The following PRORP variants were observed in gnomAD, a reference collection of about 807,000 sequenced individuals.
PRORP encodes mitochondrial ribonuclease P catalytic subunit.
Under a neutral mutation model 59.4 loss-of-function variants are expected in PRORP, and 51 were observed. The ratio of observed to expected loss-of-function variants is 0.86; its 90% CI spans 0.69 to 1.08. The LOEUF (loss-of-function observed/expected upper bound fraction) is 1.08, where lower values mean the gene tolerates loss of function less well. PRORP is among the 50% of genes least tolerant of loss of function. PRORP has a pLI of 0.00. For synonymous variants in PRORP, 231 were observed against 245.6 expected (o/e 0.94, Z 0.55); for missense variants, 646 against 690.3 (o/e 0.94, Z 0.72).
intron 6 of PRORP, among the ~76,000 whole-genome samples, chr14:35,268,851 C>A (rs1322659076): frequency 6.6e-6 from 1 of 152,228 alleles, no homozygotes; most frequent in South Asian, 2.1e-4. Flanking sequence ...ACCTCAGCCT[C>A]CCAAAGTGCT....
intron 5 of PRORP, among the ~76,000 whole-genome samples, chr14:35,213,832 A>G (rs2049515652): frequency 6.6e-6 from 1 of 152,222 alleles, no homozygotes; most frequent in South Asian, 2.1e-4. Context: ...TGACAGATAT[A>G]ATAATAATGA....
rs2051296137 is a variant in PRORP, at chr14:35,276,525, T to C, written c.*2959T>C. On this transcript the variant is annotated 3_prime_UTR_variant, in exon 8 of 8. Coordinates refer to ENST00000534898, the MANE Select transcript of PRORP (RefSeq NM_014672.4). ...GAGTGGGGAACCATTGTAGGGTTGC[T>C]CAGCATAAGTCATACTGCCACGGTG... 6.6e-6 allele frequency: 1 copy of C among 151,884 alleles called. No individual in the cohort carries two copies. The highest frequency in any genetic ancestry group is 1.5e-5 in the Non-Finnish European group (1 of 68,014). 9.4% of individuals were successfully genotyped at this position (151,884 alleles called of 1,614,324 possible).
chr14:35,137,026 G>A (rs1479870771), intron 4 of PRORP, among the ~76,000 whole-genome samples: 2 of 145,968 alleles, frequency 1.4e-5, no homozygotes, highest in African/African-American at 4.9e-5. Flanking sequence ...GGATACATTG[G>A]ATTTGGCAAC....
intron 4 of PRORP, among the ~76,000 whole-genome samples, chr14:35,149,437 G>A (rs1003044400): frequency 1.3e-5 from 2 of 151,982 alleles, no homozygotes; most frequent in African/African-American, 4.8e-5. Context: ...GGTCTCGAAC[G>A]CCTGACCTCA....
intron 4 of PRORP, 42 bp downstream of exon 4, chr14:35,127,653 A>G (rs567435926): frequency 1.9e-6 from 3 of 1,609,348 alleles, no homozygotes; most frequent in Non-Finnish European, 2.5e-6. Flanking sequence ...TTGCTTGTCT[A>G]GAGCAGGGGT....
At chr14:35,259,427 T>C (rs2050842393) in intron 5 of PRORP, among the ~76,000 whole-genome samples, 1 of 152,174 alleles carries the variant, frequency 6.6e-6, no homozygotes, top group African/African-American at 2.4e-5. Flanking sequence ...TTAATTGGTA[T>C]ATGTAGACTT....
At position 35,123,982 on chromosome 14, in the gene PRORP, A is replaced by G; in HGVS notation, c.737A>G (p.Asn246Ser). Residue 246 changes from asparagine to serine, a missense_variant, in exon 2 of 8, where the codon AAC (asparagine) becomes AGC (serine). Coordinates refer to ENST00000534898, the MANE Select transcript of PRORP (RefSeq NM_014672.4). ...AAAGTTATAACTCCTTCAAAAAAGA[A>G]CTATAATGACTGTATCCAGGGAGCT... is the stretch of plus-strand genomic sequence containing the variant. ...IKKVITPSKK[N>S]YNDCIQGALL... The G allele has an allele frequency of 6.2e-7, 1 of 1,614,112 alleles. No individual in the cohort carries two copies. Among genetic ancestry groups the G allele is most frequent in the Non-Finnish European group, 8.5e-7 (1 of 1,180,014 alleles).
intron 5 of PRORP, among the ~76,000 whole-genome samples, chr14:35,262,084 T>G (rs1160818885): frequency 6.6e-6 from 1 of 152,230 alleles, no homozygotes; most frequent in Non-Finnish European, 1.5e-5. Context: ...AAGACACAAC[T>G]GTATTATCTT....
chr14:35,201,784 A>G (rs916096310), intron 5 of PRORP, among the ~76,000 whole-genome samples: 5 of 151,550 alleles, frequency 3.3e-5, no homozygotes, highest in Admixed American at 3.3e-4. Flanking sequence ...CAGCCTCCTG[A>G]ATAGCTGGGA....
At position 35,124,387 on chromosome 14, in the gene PRORP, T is replaced by C. The variant is rs1196345499; in HGVS notation, c.986+156T>C. ...GCCTCAAGTGATCCTCTCGCTTCAG[T>C]CTCCTCAGTAGCTAAAACCACAGGC... is the stretch of plus-strand genomic sequence containing the variant. On this transcript the variant is annotated intron_variant, in intron 2 of 7. Transcript: ENST00000534898. 3 of 445,422 alleles carry C rather than the reference T, an allele frequency of 6.7e-6. No individual in the cohort carries two copies. In the East Asian group the frequency reaches 1.0e-4, roughly 15 times the overall value. 27.6% of individuals were successfully genotyped at this position (445,422 alleles called of 1,614,324 possible). A position where few individuals can be genotyped will look rare whatever the true frequency, so the allele number is the denominator to read the frequency against.
chr14:35,172,232 A>G (rs953079416), intron 4 of PRORP, among the ~76,000 whole-genome samples: 21 of 151,858 alleles, frequency 1.4e-4, no homozygotes, highest in Middle Eastern at 3.4e-3. Context: ...TATTTTTAGT[A>G]GAGACGGGGT....
rs61741335 is a variant in PRORP at position 35,238,474 on chromosome 14, C to G, written c.1276-28253C>G. Among the ~76,000 whole-genome samples, 448 of 152,240 alleles carry G rather than the reference C, an allele frequency of 2.9e-3. 4 individuals carry two copies. Among genetic ancestry groups the G allele is most frequent in the African/African-American group, 9.2e-3 (384 of 41,540 alleles). Reference sequence around the variant, plus strand: ...TAGGAAAGTTAACCTGGCAATGTCACAGGAGAAACAGCATTGAAAGACCAA... The same window carrying G: ...TAGGAAAGTTAACCTGGCAATGTCAGAGGAGAAACAGCATTGAAAGACCAA... On this transcript the variant is annotated intron_variant, in intron 5 of 7. Coordinates refer to ENST00000534898, the MANE Select transcript of PRORP (RefSeq NM_014672.4).
At chr14:35,128,283 T>G (rs1305080059) in intron 4 of PRORP, among the ~76,000 whole-genome samples, 1 of 150,424 alleles carries the variant, frequency 6.6e-6, no homozygotes, top group Non-Finnish European at 1.5e-5. Context: ...TTTTTGTTTT[T>G]TTTTTGTTGT....
intron 5 of PRORP, among the ~76,000 whole-genome samples, chr14:35,218,372 G>T (rs1387130155): frequency 7.2e-6 from 1 of 139,424 alleles, no homozygotes; most frequent in East Asian, 2.4e-4. Context: ...GAGGTGGGAG[G>T]ATCACTTGAG....
At chr14:35,148,987 C>T (rs1197104784) in intron 4 of PRORP, among the ~76,000 whole-genome samples, 6 of 137,842 alleles carry the variant, frequency 4.4e-5, no homozygotes, top group Non-Finnish European at 9.1e-5. Flanking sequence ...GGCGCAATCT[C>T]GGCTCACTGC....
chr14:35,122,064 C>T (rs1408611181), upstream of PRORP: 5 of 1,201,032 alleles, frequency 4.2e-6, no homozygotes, highest in Middle Eastern at 1.9e-4. Context: ...TTAGGAAGGC[C>T]GTCCAACCAC....
At chr14:35,243,406 C>T (rs937167392) in intron 5 of PRORP, among the ~76,000 whole-genome samples, 4 of 151,732 alleles carry the variant, frequency 2.6e-5, no homozygotes, top group South Asian at 2.1e-4. Context: ...TGTGGTGGTG[C>T]GCCCCAGTGG....
At position 35,123,368 on chromosome 14, in the gene PRORP, C is replaced by G. The variant is rs2046990806; in HGVS notation, c.123C>G (p.Asn41Lys). The change falls in exon 2 of 8, where the codon AAC becomes AAG. Residue 41 changes from asparagine (N) to lysine (K), a missense_variant. By Grantham distance (94) the Asn-to-Lys change is moderately conservative (BLOSUM62 0). Coordinates refer to ENST00000534898, the MANE Select transcript of PRORP (RefSeq NM_014672.4). Reference protein sequence around the residue: ...LFLADRCGIRNQQRLFSLKTM... With the variant: ...LFLADRCGIRKQQRLFSLKTM... ...TGGCAGACCGCTGTGGCATCAGGAA[C>G]CAGCAGAGGTTGTTTTCTCTTAAAA... 5.0e-6 allele frequency: 8 copies of G among 1,614,110 alleles called. No homozygotes were observed. The highest frequency in any genetic ancestry group is 6.8e-6 in the Non-Finnish European group (8 of 1,180,034).
Position 35,277,411 on chromosome 14 carries a change from C to T in PRORP, c.*3845C>T, listed in dbSNP as rs144988683. On this transcript the variant is annotated 3_prime_UTR_variant, in exon 8 of 8. Transcript: ENST00000534898. ...AATAAGAAAGGAAATTTGTAAAAGG[C>T]ACTTAGGAGTGAGCAGAAAGGAAAT... The T allele has an allele frequency of 7.1e-3, 1,083 of 152,410 alleles. 20 individuals are homozygous for T. The highest frequency in any genetic ancestry group is 0.024 in the African/African-American group (988 of 41,552). 9.4% of individuals were successfully genotyped at this position (152,410 alleles called of 1,614,324 possible).
Sources: allele counts gnomAD v4.1 joint callset (sites outside exome capture counted in the v4.1 genomes callset), GRCh38; gene constraint gnomAD v4.1.1; transcripts MANE v1.5; gene names NCBI Gene and HGNC (gene_info 2026-07-23, HGNC 2026-07-21).